Variants in SCRN1 observed in about 807,000 individuals in gnomAD.
SCRN1 encodes secernin 1, also known as secernin-1.
A neutral mutation model predicts 43.3 loss-of-function variants in SCRN1; 19 were observed. The observed-to-expected ratio is 0.44, with a 90% CI of 0.31 to 0.64. The LOEUF is 0.64. Among genes scored for constraint, SCRN1 ranks in the 30% least tolerant of loss-of-function variants. The probability of loss-of-function intolerance (pLI) is 0.09; values close to 1 mark genes in which losing one functional copy is unlikely to be tolerated. For synonymous variants in SCRN1, 183 were observed against 188.9 expected, an observed-to-expected ratio of 0.97 and a Z score of 0.26; for missense variants, 447 against 524.1, an observed-to-expected ratio of 0.85 and a Z score of 1.44.
chr7:29,980,548 A>G (rs1414552049), intron 1 of SCRN1, among the ~76,000 whole-genome samples: 1 of 152,208 alleles, frequency 6.6e-6, no homozygotes, highest in Non-Finnish European at 1.5e-5. Flanking sequence ...AATTTTCCCA[A>G]TCATCCTTAA....
intron 1 of SCRN1, among the ~76,000 whole-genome samples, chr7:29,979,984 A>G (rs1788949225): frequency 6.6e-6 from 1 of 152,232 alleles, no homozygotes; most frequent in Admixed American, 6.5e-5. Context: ...GGCTAGACCT[A>G]TGCAGTCAGG....
intron 3 of SCRN1, among the ~76,000 whole-genome samples, chr7:29,946,360 C>T (rs1169927040): frequency 1.3e-5 from 2 of 152,218 alleles, no homozygotes; most frequent in Non-Finnish European, 2.9e-5. Context: ...ACTCGAAGGC[C>T]TCCTTCCTCC....
At chr7:29,987,364 G>GAGCAC (rs1312227468) in intron 1 of SCRN1, among the ~76,000 whole-genome samples, 1 of 152,156 alleles carries the variant, frequency 6.6e-6, no homozygotes, top group Non-Finnish European at 1.5e-5. Context: ...CAATAGGCTT[G>GAGCAC]TTATTTACTT....
intron 1 of SCRN1, among the ~76,000 whole-genome samples, chr7:29,973,483 G>C (rs1466734431): frequency 6.6e-6 from 1 of 152,212 alleles, no homozygotes; most frequent in South Asian, 2.1e-4. Context: ...CCTGCAACTG[G>C]AGAAAAGGAA....
intron 3 of SCRN1, among the ~76,000 whole-genome samples, chr7:29,949,286 G>A (rs1396349137): frequency 6.7e-6 from 1 of 148,800 alleles, no homozygotes; most frequent in Non-Finnish European, 1.5e-5. Context: ...CTGCACTCCA[G>A]CCTGGGTGAC....
intron 2 of SCRN1, among the ~76,000 whole-genome samples, chr7:29,960,714 A>G (rs894825853): frequency 5.3e-5 from 8 of 152,002 alleles, no homozygotes; most frequent in African/African-American, 1.9e-4. Flanking sequence ...ACACACACAC[A>G]CATCCACACA....
chr7:29,928,624 A>G (rs1243673648), intron 6 of SCRN1, among the ~76,000 whole-genome samples: 2 of 152,102 alleles, frequency 1.3e-5, no homozygotes, highest in African/African-American at 4.8e-5. Flanking sequence ...TGGGAAGCAT[A>G]AGGCATGCCA....
At chr7:29,970,957 C>T (rs990365737) in intron 1 of SCRN1, among the ~76,000 whole-genome samples, 8 of 152,146 alleles carry the variant, frequency 5.3e-5, no homozygotes, top group Non-Finnish European at 8.8e-5. Context: ...AAAGAAAGCT[C>T]CCTGAAGGCA....
At chr7:29,939,402 G>C (rs933544114) in intron 5 of SCRN1, among the ~76,000 whole-genome samples, 1 of 152,058 alleles carries the variant, frequency 6.6e-6, no homozygotes, top group Non-Finnish European at 1.5e-5. Flanking sequence ...GGAGAGATGA[G>C]GTCTTGCTAA....
intron 7 of SCRN1, among the ~76,000 whole-genome samples, chr7:29,925,999 A>G (rs760814462): frequency 4.6e-5 from 7 of 152,224 alleles, no homozygotes; most frequent in African/African-American, 1.4e-4. Flanking sequence ...CTCATTCACA[A>G]TGTTGTGCAA....
Position 29,966,159 on chromosome 7 carries a change from C to CAGAGAGAGAGAGAG in SCRN1, c.159+2736_159+2749dup, listed in dbSNP as rs58247318. Among the ~76,000 whole-genome samples the CAGAGAGAGAGAGAG allele has an allele frequency of 5.9e-3, 497 of 84,424 alleles. 29 individuals are homozygous for CAGAGAGAGAGAGAG. The highest frequency in any genetic ancestry group is 0.012 in the African/African-American group (241 of 20,026). The allele number at this position is 84,424 out of a possible 152,430, so 55.4% of individuals were successfully genotyped here. A position where few individuals can be genotyped will look rare whatever the true frequency, so the allele number is the denominator to read the frequency against. On this transcript the variant is annotated intron_variant, in intron 2 of 7. Transcript: ENST00000242059. Reference sequence around the variant, plus strand: ...AGACAGAGAGAGAGAGACCGAGAGACAGAGAGAGAGAGAGAGAGAGAGAGA... The same window carrying CAGAGAGAGAGAGAG: ...AGACAGAGAGAGAGAGACCGAGAGACAGAGAGAGAGAGAGAGAGAGAGAGAGAGAGAGAGAGAGA...
upstream of SCRN1, chr7:29,989,889 C>T (rs892278403): frequency 2.4e-5 from 25 of 1,047,184 alleles, no homozygotes; most frequent in Non-Finnish European, 2.9e-5. Flanking sequence ...CCCCGGCCCC[C>T]GGGGCCCCGC....
At chr7:29,934,872 A>C (rs1193532810) in intron 6 of SCRN1, among the ~76,000 whole-genome samples, 1 of 152,128 alleles carries the variant, frequency 6.6e-6, no homozygotes, top group Admixed American at 6.5e-5. Flanking sequence ...AGCAATAGTC[A>C]CCTAGTGACC....
chr7:29,953,123 T>C (rs1483547879), intron 3 of SCRN1, among the ~76,000 whole-genome samples: 4 of 152,236 alleles, frequency 2.6e-5, no homozygotes, highest in Admixed American at 2.6e-4. Flanking sequence ...TGATAATCTG[T>C]GAACATCCCG....
rs982266595 is a variant in SCRN1, at chr7:29,950,676, C to T, written c.341+4503G>A. On this transcript the variant is annotated intron_variant, in intron 3 of 7. Coordinates refer to ENST00000242059, the MANE Select transcript of SCRN1 (RefSeq NM_014766.5). The surrounding 1 kb of genome is among the most constrained non-coding windows in gnomAD (Gnocchi z 4.5). ...CCAGACTCAGTCAGACTCACACAGA[C>T]GTTAGGACTACCAGCTGCAGGAAGG... 2.6e-5 allele frequency among the ~76,000 whole-genome samples: 4 copies of T among 152,214 alleles called. No individual in the cohort carries two copies. Among genetic ancestry groups the T allele is most frequent in the East Asian group, 1.9e-4 (1 of 5,194 alleles).
chr7:29,966,159 C>CAGACAGAG (rs1310111629), intron 2 of SCRN1, among the ~76,000 whole-genome samples: 224 of 84,474 alleles, frequency 2.7e-3, no homozygotes, highest in Middle Eastern at 0.014. Context: ...GACCGAGAGA[C>CAGACAGAG]AGAGAGAGAG....
rs909901979 is a variant in SCRN1, at chr7:29,935,312, A to G, written c.905+1244T>C. Among the ~76,000 whole-genome samples the G allele has an allele frequency of 1.1e-4, 16 of 152,242 alleles. 1 individual carries two copies. The highest frequency in any genetic ancestry group is 3.9e-4 in the African/African-American group (16 of 41,454). ...GCTTCACTTTTCCCCTGAGTCATCT[A>G]AGAACCAGTCCCTAGCTAGATGCAA... On this transcript the variant is annotated intron_variant, in intron 6 of 7. Coordinates refer to ENST00000242059, the MANE Select transcript of SCRN1 (RefSeq NM_014766.5).
intron 6 of SCRN1, among the ~76,000 whole-genome samples, chr7:29,933,844 A>G (rs984925812): frequency 1.8e-4 from 28 of 152,228 alleles, no homozygotes; most frequent in African/African-American, 6.8e-4. Flanking sequence ...CAACGGTAAG[A>G]TCACGTTTTT....
Position 29,924,035 on chromosome 7 carries a change from G to GC in SCRN1, c.1166dup (p.Ser389ArgfsTer16). The GC allele has an allele frequency of 6.2e-7, 1 of 1,614,190 alleles. No homozygotes were observed. Among genetic ancestry groups the GC allele is most frequent in the South Asian group, 1.1e-5 (1 of 91,084 alleles). On this transcript the variant is annotated frameshift_variant, in exon 8 of 8. Transcript: ENST00000242059. LOFTEE classifies it high-confidence loss of function. ...CTTCCGCAGGGTCCAGTGGCTCGGA[G>GC]CTGGTCAGGATTTCTTCCATGGCTT... is the stretch of plus-strand genomic sequence containing the variant.
Sources: gnomAD v4.1 joint callset for allele counts (sites outside exome capture counted in the v4.1 genomes callset) on GRCh38, gnomAD v4.1.1 for gene constraint, Gnocchi (gnomAD v3.1) non-coding constraint, MANE v1.5 for transcripts, NCBI Gene and HGNC (gene_info 2026-07-23, HGNC 2026-07-21) for gene names.